FBLIM1: variants seen among roughly 807,000 people sequenced by gnomAD.
FBLIM1 encodes filamin-binding LIM protein 1.
FBLIM1 carries 29 observed loss-of-function variants against 37.4 expected under a neutral mutation model. That is an observed-to-expected ratio of 0.77 (90% CI 0.58 to 1.06). FBLIM1 has a LOEUF of 1.06. Ranked by LOEUF, FBLIM1 falls within the 50% of genes least tolerant of loss-of-function variation. The probability of loss-of-function intolerance (pLI) is 0.00; values close to 1 mark genes in which losing one functional copy is unlikely to be tolerated. For synonymous variants in FBLIM1, 193 were observed against 199.0 expected, an observed-to-expected ratio of 0.97 and a Z score of 0.25; for missense variants, 449 against 505.6, an observed-to-expected ratio of 0.89 and a Z score of 1.07.
At chr1:15,771,256 T>A (rs1023891166) in intron 6 of FBLIM1, among the ~76,000 whole-genome samples, 1 of 150,618 alleles carries the variant, frequency 6.6e-6, no homozygotes, top group Non-Finnish European at 1.5e-5. Flanking sequence ...TTTGTTTTTT[T>A]TTTTTTTTAA....
intron 8 of FBLIM1, among the ~76,000 whole-genome samples, chr1:15,777,855 G>A (rs1426271504): frequency 6.6e-6 from 1 of 152,118 alleles, no homozygotes; most frequent in Non-Finnish European, 1.5e-5. Flanking sequence ...TTACAGGCAT[G>A]AGCAACCACG....
At chr1:15,767,065 T>TA (rs921196697) in intron 3 of FBLIM1, among the ~76,000 whole-genome samples, 6 of 151,504 alleles carry the variant, frequency 4.0e-5, no homozygotes, top group Non-Finnish European at 4.4e-5. Context: ...ACATTTTTTT[T>TA]AATTTTTAGT....
At chr1:15,768,716 C>T in intron 5 of FBLIM1, 86 bp downstream of exon 5, 1 of 953,124 alleles carries the variant, frequency 1.0e-6, no homozygotes, top group South Asian at 2.4e-5. Context: ...AGTGAGGACC[C>T]CTCTTCCCAT....
intron 1 of FBLIM1, among the ~76,000 whole-genome samples, chr1:15,759,447 C>T (rs1216488718): frequency 6.6e-6 from 1 of 152,150 alleles, no homozygotes; most frequent in African/African-American, 2.4e-5. Context: ...TACCCCTCAC[C>T]TCCCACCCAA....
At chr1:15,780,013 G>A (rs1297034756) in intron 8 of FBLIM1, among the ~76,000 whole-genome samples, 1 of 151,932 alleles carries the variant, frequency 6.6e-6, no homozygotes, top group Non-Finnish European at 1.5e-5. Flanking sequence ...CTGAGTAGCT[G>A]GAAGTACAGG....
In FBLIM1 at chr1:15,784,552, G is replaced by A. The variant is rs1454344203; in HGVS notation, c.1013G>A (p.Cys338Tyr). 2 of 1,613,628 alleles carry A rather than the reference G, an allele frequency of 1.2e-6. No homozygotes were observed. The highest frequency in any genetic ancestry group is 1.1e-5 in the South Asian group (1 of 91,058). ...FHENCYRCEDCRILLSVEPTD... is the reference protein window; with the variant it reads ...FHENCYRCEDYRILLSVEPTD... Reference sequence around the variant, plus strand: ...CATGTGTCTTTGTCTCCCCAGGACTGCAGGATCCTCCTGTCTGTCGAGCCC... The same window carrying A: ...CATGTGTCTTTGTCTCCCCAGGACTACAGGATCCTCCTGTCTGTCGAGCCC... Residue 338 changes from cysteine (C) to tyrosine (Y), a missense_variant, in exon 9 of 9, where the codon TGC (cysteine) becomes TAC (tyrosine). Transcript: ENST00000375766.
rs75390903 is a variant in FBLIM1 at position 15,768,609 on chromosome 1, G to C, written c.520G>C (p.Val174Leu). 1.1e-5 allele frequency: 17 copies of C among 1,611,884 alleles called. No homozygotes were observed. The highest frequency in any genetic ancestry group is 1.4e-5 in the Non-Finnish European group (17 of 1,179,526). Residue 174 changes from valine to leucine, a missense_variant, in exon 5 of 9, where the codon GTT becomes CTT. Physicochemically the swap from Val to Leu is conservative, Grantham distance 32. Coordinates refer to ENST00000375766, the MANE Select transcript of FBLIM1 (RefSeq NM_017556.4). ...EELPPPPAEP[V>L]EKGASTDICA... is the part of the protein sequence containing the mutation. Reference sequence around the variant, plus strand: ...GCTGCCACCTCCCCCGGCAGAACCTGTTGAGAAAGGGGCATCCACAGGTAG... The same window carrying C: ...GCTGCCACCTCCCCCGGCAGAACCTCTTGAGAAAGGGGCATCCACAGGTAG...
chr1:15,778,646 T>C (rs1320483436), intron 8 of FBLIM1, among the ~76,000 whole-genome samples: 1 of 2,784 alleles, frequency 3.6e-4, no homozygotes. Flanking sequence ...CTTCTTTTTC[T>C]TTTTTTTTTT....
At chr1:15,766,877 G>A (rs1396753920) in intron 3 of FBLIM1, among the ~76,000 whole-genome samples, 2 of 143,926 alleles carry the variant, frequency 1.4e-5, no homozygotes, top group Admixed American at 1.5e-4. Flanking sequence ...ACAGGTGTGA[G>A]CCACTGCACC....
At chr1:15,769,697 C>A (rs959999990) in intron 5 of FBLIM1, among the ~76,000 whole-genome samples, 1 of 151,640 alleles carries the variant, frequency 6.6e-6, no homozygotes, top group Admixed American at 6.6e-5. Flanking sequence ...AGTGCAGTGG[C>A]GCGATCTTGG....
In FBLIM1 at chr1:15,764,823, T is replaced by TGGG. The variant is rs1364168675; in HGVS notation, c.-21+139_-20-138dup. The TGGG allele has an allele frequency of 8.6e-6, 9 of 1,040,762 alleles. No homozygotes were observed. In the African/African-American group the frequency reaches 1.4e-4, roughly 17 times the overall value. 64.5% of individuals were successfully genotyped at this position (1,040,762 alleles called of 1,614,324 possible). On this transcript the variant is annotated intron_variant, in intron 2 of 8. Transcript: ENST00000375766. The stretch of plus-strand genomic sequence containing the variant: ...AGGACACCCCCACCCCTTCTCTGGC[T>TGGG]GGGCTGGGTGCTGGACTGAGTTGTT...
At chr1:15,771,449 T>C (rs1462205467) in intron 6 of FBLIM1, among the ~76,000 whole-genome samples, 10 of 146,220 alleles carry the variant, frequency 6.8e-5, no homozygotes, top group Middle Eastern at 3.8e-3. Flanking sequence ...ATTTCACCAC[T>C]TTGGCCAGGC....
At position 15,767,684 on chromosome 1, in the gene FBLIM1, C is replaced by T. The variant is rs1202829921; in HGVS notation, c.438+121C>T. On this transcript the variant is annotated intron_variant, in intron 4 of 8. Transcript: ENST00000375766. ...GGACTTTGTCTGGTGCATTCTTCTG[C>T]TCGGGGGCAGTCCCTCTTTGAAGCT... The T allele has an allele frequency of 2.0e-5, 10 of 501,472 alleles. No individual in the cohort carries two copies. In the Admixed American group the frequency reaches 4.1e-4, roughly 21 times the overall value. The allele number at this position is 501,472 out of a possible 1,614,324, so 31.1% of individuals were successfully genotyped here. A position where few individuals can be genotyped will look rare whatever the true frequency, so the allele number is the denominator to read the frequency against.
chr1:15,767,671 G>A (rs1337690647), intron 4 of FBLIM1, 108 bp downstream of exon 4: 2 of 515,020 alleles, frequency 3.9e-6, no homozygotes, highest in African/African-American at 2.0e-5. Flanking sequence ...ACTTTGTCTG[G>A]TGCATTCTTC....
At chr1:15,776,168 A>G (rs1428778182) in intron 7 of FBLIM1, among the ~76,000 whole-genome samples, 1 of 152,186 alleles carries the variant, frequency 6.6e-6, no homozygotes, top group Non-Finnish European at 1.5e-5. Context: ...CTGTAATCCC[A>G]GCACTTTGGG....
intron 6 of FBLIM1, among the ~76,000 whole-genome samples, chr1:15,773,870 C>T (rs1022445720): frequency 6.6e-6 from 1 of 151,942 alleles, no homozygotes; most frequent in African/African-American, 2.4e-5. Context: ...AAGCCAGACA[C>T]GGTGGCTCAC....
At chr1:15,769,060 G>T (rs1163305735) in intron 5 of FBLIM1, among the ~76,000 whole-genome samples, 1 of 152,110 alleles carries the variant, frequency 6.6e-6, no homozygotes, top group Admixed American at 6.6e-5. Context: ...GCACATACGA[G>T]CAAATACAAA....
At position 15,784,599 on chromosome 1, in the gene FBLIM1, CT is replaced by C; in HGVS notation, c.1061del (p.Leu354ArgfsTer12). 6.2e-7 allele frequency: 1 copy of C among 1,614,170 alleles called. No individual in the cohort carries two copies. Among genetic ancestry groups the C allele is most frequent in the Non-Finnish European group, 8.5e-7 (1 of 1,180,002 alleles). On this transcript the variant is annotated frameshift_variant, in exon 9 of 9. Coordinates refer to ENST00000375766, the MANE Select transcript of FBLIM1 (RefSeq NM_017556.4). LOFTEE classifies it high-confidence loss of function. ...GCCCACGGACCAAGGCTGCTACCCCCTGAACAACCATCTCTTCTGCAAGCCA... is the reference window on the plus strand; with the variant it reads ...GCCCACGGACCAAGGCTGCTACCCCCGAACAACCATCTCTTCTGCAAGCCA... ...VEPTDQGCYP[L>X]NNHLFCKPCH... is the part of the protein sequence containing the mutation.
chr1:15,767,320 C>A, intron 3 of FBLIM1, 56 bp from the exon 4 acceptor site: 1 of 1,473,300 alleles, frequency 6.8e-7, no homozygotes, highest in Non-Finnish European at 9.0e-7. Flanking sequence ...GTAAGTAAAA[C>A]CCTCCCAGGT....
Sources: gnomAD v4.1 joint callset for allele counts (sites outside exome capture counted in the v4.1 genomes callset) on GRCh38, gnomAD v4.1.1 for gene constraint, MANE v1.5 for transcripts, NCBI Gene and HGNC (gene_info 2026-07-23, HGNC 2026-07-21) for gene names.